The following ULK2 variants were observed in gnomAD, a reference collection of about 807,000 sequenced individuals.
ULK2 encodes the protein unc-51 like autophagy activating kinase 2.
Under a neutral mutation model 127.5 loss-of-function variants are expected in ULK2, and 76 were observed. The ratio of observed to expected loss-of-function variants is 0.60; its 90% CI spans 0.50 to 0.72. The LOEUF (loss-of-function observed/expected upper bound fraction) is 0.72, where lower values mean the gene tolerates loss of function less well. Ranked by LOEUF, ULK2 falls within the 30% of genes least tolerant of loss-of-function variation. The pLI is 0.00. For synonymous variants in ULK2, 452 were observed against 461.9 expected (o/e 0.98, Z 0.28); for missense variants, 1,144 against 1,295.9 (o/e 0.88, Z 1.80).
chr17:19,799,383 G>A, intron 17 of ULK2, 112 bp downstream of exon 17: 1 of 890,232 alleles, frequency 1.1e-6, no homozygotes, highest in Non-Finnish European at 1.6e-6. Context: ...AATCAGGATG[G>A]CAGAGGAGAT....
chr17:19,781,242 C>CTTTTTT (rs200296663), intron 23 of ULK2, 138 bp from the exon 24 acceptor site: 43 of 472,120 alleles, frequency 9.1e-5, no homozygotes, highest in African/African-American at 3.6e-4. Context: ...TCTTTCTTTT[C>CTTTTTT]TTTTTTTTTT....
In ULK2 at chr17:19,825,124, G is replaced by A. The variant is rs1275555359; in HGVS notation, c.894C>T (p.Ser298=). 6.2e-7 allele frequency: 1 copy of A among 1,614,036 alleles called. No homozygotes were observed. The highest frequency in any genetic ancestry group is 8.5e-7 in the Non-Finnish European group (1 of 1,180,028). ...GAGAAGCAAAACGACAAGATGGAGA[G>A]CTGCCACAGGAGCTTCCAGAGACAG... ...SGSVSGSSCG[S]SPSCRFASPP... Residue 298 remains serine, a synonymous_variant, in exon 12 of 27, where the codon AGC becomes AGT. Coordinates refer to ENST00000395544, the MANE Select transcript of ULK2 (RefSeq NM_014683.4).
chr17:19,840,472 T>C (rs2041717787), intron 9 of ULK2: 2 of 463,004 alleles, frequency 4.3e-6, no homozygotes, highest in Non-Finnish European at 8.4e-6. Context: ...GAAAAACTTA[T>C]CCGGGAAGGA....
chr17:19,787,512 T>C (rs1393293709), intron 20 of ULK2, among the ~76,000 whole-genome samples: 1 of 152,010 alleles, frequency 6.6e-6, no homozygotes, highest in Non-Finnish European at 1.5e-5. Flanking sequence ...TATATTAGAG[T>C]AAGGAAGTGA....
chr17:19,814,446 T>TATACATATATATACATATATATACG (rs1567696612), intron 13 of ULK2, among the ~76,000 whole-genome samples: 1 of 29,994 alleles, frequency 3.3e-5, no homozygotes, highest in African/African-American at 1.4e-4. Context: ...ATATTTTTTT[T>TATACATATATATACATATATATACG]TTTTTTTTTT....
In ULK2 at chr17:19,845,355, G is replaced by T; in HGVS notation, c.492C>A (p.Tyr164Ter). 1 of 1,613,926 alleles carries T rather than the reference G, an allele frequency of 6.2e-7. No individual in the cohort carries two copies. Residue 164 changes from tyrosine (Y) to a stop codon, truncating the protein, a stop_gained, in exon 7 of 27, where the codon TAC (tyrosine) becomes TAA (stop). Coordinates refer to ENST00000395544, the MANE Select transcript of ULK2 (RefSeq NM_014683.4). LOFTEE classifies it high-confidence loss of function. ...TTGCAGCCATCATGTTACTATGTAGGTAACGAGCAAAACCAAAATCCGCTA... is the reference window on the plus strand; with the variant it reads ...TTGCAGCCATCATGTTACTATGTAGTTAACGAGCAAAACCAAAATCCGCTA... Reference protein sequence around the residue: ...IKIADFGFARYLHSNMMAATL... With the variant: ...IKIADFGFAR
At chr17:19,835,742 T>A (rs2041579894) in intron 10 of ULK2, among the ~76,000 whole-genome samples, 1 of 146,476 alleles carries the variant, frequency 6.8e-6, no homozygotes. Flanking sequence ...CATACCGTAA[T>A]CCCTAGAGCA....
intron 25 of ULK2, among the ~76,000 whole-genome samples, chr17:19,779,045 A>G (rs1425062704): frequency 1.3e-5 from 2 of 152,218 alleles, no homozygotes; most frequent in Admixed American, 6.5e-5. Flanking sequence ...GATGCAGTGC[A>G]TATTATTCAT....
At position 19,795,646 on chromosome 17, in the gene ULK2, T is replaced by G. The variant is rs1333527693; in HGVS notation, c.2077A>C (p.Asn693His). ...CCTATATCCATTGGTCGTTCTGTATTTAAACTGTCTGTGCTGCCCTGATGT... is the reference window on the plus strand; with the variant it reads ...CCTATATCCATTGGTCGTTCTGTATGTAAACTGTCTGTGCTGCCCTGATGT... ...CRHQGSTDSL[N>H]TERPMDIAPA... The change falls in exon 20 of 27, where the codon AAT becomes CAT. Residue 693 changes from asparagine to histidine, a missense_variant. Physicochemically the swap from Asn to His is moderately conservative, Grantham distance 68. Around this residue, in one of 2 missense-constraint regions of ULK2, gnomAD observed 913 missense variants for 970.5 expected, o/e 0.94. Coordinates refer to ENST00000395544, the MANE Select transcript of ULK2 (RefSeq NM_014683.4). 4 of 1,614,154 alleles carry G rather than the reference T, an allele frequency of 2.5e-6. No homozygotes were observed. Among genetic ancestry groups the G allele is most frequent in the Middle Eastern group, 1.7e-4 (1 of 6,060 alleles).
In ULK2 at chr17:19,804,843, T is replaced by C; in HGVS notation, c.1158-13A>G. On this transcript the variant is annotated splice_polypyrimidine_tract_variant and intron_variant, in intron 14 of 26. Coordinates refer to ENST00000395544, the MANE Select transcript of ULK2 (RefSeq NM_014683.4). ...AGGCTGACACTGCCTGCAATCGTAATTTATTGAAAAAGGAAAGAAACAGTG... is the reference window on the plus strand; with the variant it reads ...AGGCTGACACTGCCTGCAATCGTAACTTATTGAAAAAGGAAAGAAACAGTG... 6.2e-7 allele frequency: 1 copy of C among 1,608,418 alleles called. No homozygotes were observed. Among genetic ancestry groups the C allele is most frequent in the South Asian group, 1.1e-5 (1 of 89,810 alleles).
At position 19,781,050 on chromosome 17, in the gene ULK2, AG is replaced by A; in HGVS notation, c.2693del (p.Ser898PhefsTer14). The part of the protein sequence containing the change: ...YMKAAQLLAA[S>X]LHLAKAQIKS... ...TGATCTGGGCTTTGGCAAGATGCAG[AG>A]AAGCCGCAAGCAGCTGTGCTGCTTT... is the stretch of plus-strand genomic sequence containing the variant. On this transcript the variant is annotated frameshift_variant, in exon 24 of 27. Transcript: ENST00000395544. LOFTEE classifies it high-confidence loss of function. The A allele has an allele frequency of 6.2e-7, 1 of 1,614,052 alleles. No individual in the cohort carries two copies. Among genetic ancestry groups the A allele is most frequent in the Non-Finnish European group, 8.5e-7 (1 of 1,180,012 alleles).
At position 19,783,720 on chromosome 17, in the gene ULK2, G is replaced by T; in HGVS notation, c.2437C>A (p.Leu813Met). The T allele has an allele frequency of 6.4e-7, 1 of 1,574,432 alleles. No individual in the cohort carries two copies. Among genetic ancestry groups the T allele is most frequent in the Admixed American group, 1.8e-5 (1 of 54,798 alleles). Residue 813 changes from leucine to methionine, a missense_variant, in exon 22 of 27, where the codon CTG (leucine) becomes ATG (methionine). Physicochemically the swap from Leu to Met is conservative, Grantham distance 15 (BLOSUM62 2). This residue lies in a region of ULK2 where 913 missense variants were observed against 970.5 expected (regional missense o/e 0.94). Coordinates refer to ENST00000395544, the MANE Select transcript of ULK2 (RefSeq NM_014683.4). ...ACCTCCATCAGCGTCTCCTCCGGCA[G>T]TTCAGGGGCTTCAAAGGTGATGAGC... Reference protein sequence around the residue: ...EGLITFEAPELPEETLMEREH... With the variant: ...EGLITFEAPEMPEETLMEREH...
chr17:19,814,049 T>C (rs1274939273), intron 13 of ULK2, among the ~76,000 whole-genome samples: 2 of 152,056 alleles, frequency 1.3e-5, no homozygotes, highest in Non-Finnish European at 2.9e-5. Context: ...CACACACACA[T>C]ACTGACACAA....
intron 13 of ULK2, among the ~76,000 whole-genome samples, chr17:19,812,617 G>A (rs1252831429): frequency 6.6e-6 from 1 of 152,158 alleles, no homozygotes; most frequent in East Asian, 1.9e-4. Flanking sequence ...GCTGCAGCTC[G>A]CTGCTGCCAC....
chr17:19,827,565 C>T (rs924831817), intron 10 of ULK2, among the ~76,000 whole-genome samples: 2 of 152,164 alleles, frequency 1.3e-5, no homozygotes, highest in Non-Finnish European at 2.9e-5. Context: ...TTAAACATGT[C>T]TTAATGATTT....
chr17:19,861,459 G>T (rs570252547), intron 3 of ULK2, among the ~76,000 whole-genome samples: 1 of 152,106 alleles, frequency 6.6e-6, no homozygotes, highest in Admixed American at 6.6e-5. Flanking sequence ...GCAGGAGAAT[G>T]GCGTGAACCC....
chr17:19,838,837 C>CT (rs1461149940), intron 9 of ULK2, among the ~76,000 whole-genome samples: 1 of 151,454 alleles, frequency 6.6e-6, no homozygotes, highest in African/African-American at 2.4e-5. Context: ...ACCATCCTGA[C>CT]TAACACGGTG....
intron 3 of ULK2, among the ~76,000 whole-genome samples, chr17:19,858,626 A>T (rs1177894056): frequency 2.0e-5 from 3 of 152,146 alleles, no homozygotes; most frequent in African/African-American, 7.2e-5. Context: ...GAAGAAATGT[A>T]AAAAGACAAA....
chr17:19,816,983 T>C, intron 12 of ULK2, 63 bp from the exon 13 acceptor site: 2 of 1,473,418 alleles, frequency 1.4e-6, no homozygotes, highest in Non-Finnish European at 1.8e-6. Context: ...GAATAGTGAC[T>C]AGACTAAGGA....
Sources: gnomAD v4.1 joint callset for allele counts (sites outside exome capture counted in the v4.1 genomes callset) on GRCh38, gnomAD v4.1.1 for gene constraint, gnomAD v4.1.1 regional missense constraint, MANE v1.5 for transcripts, NCBI Gene and HGNC (gene_info 2026-07-23, HGNC 2026-07-21) for gene names.